NREP: variants seen among roughly 807,000 people sequenced by gnomAD.
The protein encoded by NREP is neuronal regeneration-related protein.
In NREP, 5 loss-of-function variants were observed where a neutral mutation model predicts 8.6. The observed-to-expected ratio is 0.58, with a 90% CI of 0.30 to 1.22. The LOEUF is 1.22. NREP is among the 50% of genes most tolerant of loss of function. The pLI, the probability that NREP is intolerant of heterozygous loss-of-function variation, is 0.07. For missense variants in NREP, 86 were observed against 82.5 expected (o/e 1.04, Z -0.17); for synonymous variants, 27 against 28.0 (o/e 0.96, Z 0.11).
upstream of NREP, among the ~76,000 whole-genome samples, chr5:111,761,942 G>T (rs1452138595): frequency 6.6e-6 from 1 of 152,192 alleles, no homozygotes; most frequent in Non-Finnish European, 1.5e-5. Context: ...AAAGTGACAA[G>T]ATTTTTTTTT....
At chr5:111,731,071 C>T (rs1427730914) in intron 3 of NREP, 25 bp from the exon 4 acceptor site, 1 of 1,606,290 alleles carries the variant, frequency 6.2e-7, no homozygotes, top group Non-Finnish European at 8.5e-7. Flanking sequence ...GACCCACACA[C>T]AGACAGACAC....
At chr5:111,734,827 A>G in intron 3 of NREP, 1 of 573,190 alleles carries the variant, frequency 1.7e-6, no homozygotes, top group Non-Finnish European at 3.1e-6. Flanking sequence ...GGCAAAGTCC[A>G]GTATCTACAG....
At chr5:111,833,742 G>A (rs1186589131) in intron 2 of NREP, among the ~76,000 whole-genome samples, 3 of 152,154 alleles carry the variant, frequency 2.0e-5, no homozygotes, top group African/African-American at 4.8e-5. Flanking sequence ...ATTGATCAGC[G>A]TGGCTGATGG....
chr5:111,936,670 C>T lies in NREP; in HGVS notation c.135+38604G>A, dbSNP rs548000901. On this transcript the variant is annotated intron_variant, in intron 2 of 3. Coordinates refer to the NREP transcript ENST00000395634. ...ACCCTGTACAAAGGCTGTCGCTACTCTCCCACACAGTTGTCCCAAATGCAT... is the reference window on the plus strand; with the variant it reads ...ACCCTGTACAAAGGCTGTCGCTACTTTCCCACACAGTTGTCCCAAATGCAT... Among the ~76,000 whole-genome samples the T allele has an allele frequency of 3.9e-5, 6 of 152,236 alleles. No homozygotes were observed. In the East Asian group the frequency reaches 1.2e-3, roughly 30 times the overall value.
chr5:111,896,957 C>G (rs1754526199), intron 2 of NREP, among the ~76,000 whole-genome samples: 1 of 152,162 alleles, frequency 6.6e-6, no homozygotes, highest in African/African-American at 2.4e-5. Flanking sequence ...TCTCAACATT[C>G]AAAACAGTTT....
intron 2 of NREP, among the ~76,000 whole-genome samples, chr5:111,789,305 T>C (rs1215279987): frequency 2.6e-5 from 4 of 152,190 alleles, no homozygotes; most frequent in Non-Finnish European, 5.9e-5. Flanking sequence ...AAACACATTG[T>C]GCAAAAAATT....
chr5:111,799,960 C>G (rs1225685255), intron 2 of NREP, among the ~76,000 whole-genome samples: 2 of 152,254 alleles, frequency 1.3e-5, no homozygotes, highest in East Asian at 3.9e-4. Context: ...CGCTCCGTCA[C>G]CCAGGCTGGA....
At chr5:111,885,283 T>C (rs1237907236) in intron 2 of NREP, among the ~76,000 whole-genome samples, 2 of 151,480 alleles carry the variant, frequency 1.3e-5, no homozygotes, top group Admixed American at 6.6e-5. Flanking sequence ...GTGAAGGACC[T>C]CTTCAAGGAG....
Position 111,803,193 on chromosome 5 carries a change from T to C in NREP, c.136-67686A>G, listed in dbSNP as rs553415683. Among the ~76,000 whole-genome samples, 157 of 152,320 alleles carry C rather than the reference T, an allele frequency of 1.0e-3. 1 individual carries two copies. The highest frequency in any genetic ancestry group is 3.7e-3 in the Admixed American group (56 of 15,304). On this transcript the variant is annotated intron_variant, in intron 2 of 3. Transcript: ENST00000395634. ...TTATCACTCAGGTAAAGTCTGCTAA[T>C]AGGGATTCTATTTTATAAAATAAAA... is the stretch of plus-strand genomic sequence containing the variant.
intron 2 of NREP, among the ~76,000 whole-genome samples, chr5:111,744,532 TA>T (rs1300869697): frequency 6.6e-6 from 1 of 151,842 alleles, no homozygotes; most frequent in Non-Finnish European, 1.5e-5. Context: ...GTCAGAAAAC[TA>T]AAAGTACAAG....
At chr5:111,804,842 A>C (rs1002949421) in intron 2 of NREP, among the ~76,000 whole-genome samples, 5 of 152,184 alleles carry the variant, frequency 3.3e-5, no homozygotes, top group Admixed American at 1.3e-4. Flanking sequence ...TCTACTAAAA[A>C]TACAAAAAAT....
chr5:111,802,570 A>T (rs1323373237), intron 2 of NREP, among the ~76,000 whole-genome samples: 1 of 152,204 alleles, frequency 6.6e-6, no homozygotes. Flanking sequence ...GTATTTTTTT[A>T]AAATGCAATT....
chr5:111,842,076 T>C (rs1343940093), intron 2 of NREP, among the ~76,000 whole-genome samples: 1 of 151,100 alleles, frequency 6.6e-6, no homozygotes, highest in African/African-American at 2.4e-5. Context: ...CATTCTGACA[T>C]GATTCCCAAC....
intron 2 of NREP, among the ~76,000 whole-genome samples, chr5:111,844,145 G>T (rs1753100087): frequency 6.6e-6 from 1 of 151,932 alleles, no homozygotes. Flanking sequence ...TAAAAAGATA[G>T]AATAAAAGAG....
intron 2 of NREP, among the ~76,000 whole-genome samples, chr5:111,955,746 T>G (rs988832953): frequency 2.0e-5 from 3 of 151,868 alleles, no homozygotes; most frequent in African/African-American, 7.3e-5. Flanking sequence ...TAATGAGAAA[T>G]ATCCAGGTGC....
At chr5:111,794,883 C>G (rs959775786) in intron 2 of NREP, among the ~76,000 whole-genome samples, 4 of 151,540 alleles carry the variant, frequency 2.6e-5, no homozygotes, top group African/African-American at 9.7e-5. Flanking sequence ...AAATGTATCA[C>G]TGGGCTGGTT....
At chr5:111,913,937 C>T (rs780123595) in intron 2 of NREP, among the ~76,000 whole-genome samples, 1 of 152,064 alleles carries the variant, frequency 6.6e-6, no homozygotes, top group African/African-American at 2.4e-5. Flanking sequence ...AAAAGCATGC[C>T]AAGCTTGATT....
intron 2 of NREP, among the ~76,000 whole-genome samples, chr5:111,861,515 G>A (rs1753543145): frequency 6.6e-6 from 1 of 152,136 alleles, no homozygotes; most frequent in Non-Finnish European, 1.5e-5. Context: ...ACCTTCCACA[G>A]ATCTCCCTTG....
At chr5:111,828,634 CTATG>C (rs1032514671) in intron 2 of NREP, among the ~76,000 whole-genome samples, 4 of 152,068 alleles carry the variant, frequency 2.6e-5, no homozygotes, top group South Asian at 2.1e-4. Flanking sequence ...AAAAAAATGA[CTATG>C]TAATACAAAA....
Sources: gnomAD v4.1 joint callset for allele counts (sites outside exome capture counted in the v4.1 genomes callset) on GRCh38, gnomAD v4.1.1 for gene constraint, MANE v1.5 for transcripts, NCBI Gene and HGNC (gene_info 2026-07-23, HGNC 2026-07-21) for gene names.